WDR37: variants seen among roughly 807,000 people sequenced by gnomAD.
WDR37 encodes the protein WD repeat domain 37.
In WDR37, 19 loss-of-function variants were observed where a neutral mutation model predicts 62.9. The observed-to-expected ratio is 0.30, with a 90% CI of 0.21 to 0.44. The LOEUF is 0.44. Among genes scored for constraint, WDR37 ranks in the 20% least tolerant of loss-of-function variants. The pLI is 1.00. For missense variants in WDR37, 474 were observed against 657.6 expected, an observed-to-expected ratio of 0.72 and a Z score of 3.05; for synonymous variants, 250 against 260.9, an observed-to-expected ratio of 0.96 and a Z score of 0.40.
chr10:1,125,326 C>A (rs11250272), intron 13 of WDR37, among the ~76,000 whole-genome samples: 1 of 151,822 alleles, frequency 6.6e-6, no homozygotes, highest in Non-Finnish European at 1.5e-5. Context: ...ATTCTTCTGC[C>A]TCAGCCTCAG....
chr10:1,129,549 A>G lies in WDR37; in HGVS notation c.*205A>G, dbSNP rs557320081. ...TTTTTTACTTTTGTCTTGTATATGT[A>G]TGTATATTGGGTCCTCTGGGCAGTA... On this transcript the variant is annotated 3_prime_UTR_variant, in exon 14 of 14. Transcript: ENST00000263150. The G allele has an allele frequency of 1.4e-6, 1 of 704,054 alleles. No homozygotes were observed. Among genetic ancestry groups the G allele is most frequent in the South Asian group, 2.1e-5 (1 of 47,708 alleles). The allele number at this position is 704,054 out of a possible 1,614,324, so 43.6% of individuals were successfully genotyped here.
In WDR37 at chr10:1,088,786, G is replaced by A. The variant is rs74117814; in HGVS notation, c.604+2429G>A. ...GTGAACACATGCTGTTGGGAAAATC[G>A]TGGCAATTAGGTGTTCAACGCAGGG... On this transcript the variant is annotated intron_variant, in intron 7 of 13. Transcript: ENST00000263150. Among the ~76,000 whole-genome samples, 1,328 of 151,990 alleles carry A rather than the reference G, an allele frequency of 8.7e-3. 23 individuals carry two copies. Among genetic ancestry groups the A allele is most frequent in the African/African-American group, 0.03 (1,246 of 41,426 alleles).
chr10:1,105,582 C>T lies in WDR37; in HGVS notation c.1103+315C>T, dbSNP rs535646313. Among the ~76,000 whole-genome samples, 3 of 152,094 alleles carry T rather than the reference C, an allele frequency of 2.0e-5. No individual in the cohort carries two copies. The highest frequency in any genetic ancestry group is 4.1e-4 in the South Asian group (2 of 4,830). On this transcript the variant is annotated intron_variant, in intron 11 of 13. Coordinates refer to ENST00000263150, the MANE Select transcript of WDR37 (RefSeq NM_014023.4). This position sits in a 1 kb window ranked among gnomAD's most constrained non-coding sequence, Gnocchi z 5.3. ...AGAGCCTGTAGCTGAGCACAGGGGC[C>T]GGCCACGCCACCATAGGAGCCGCGG...
rs369428312 is a variant in WDR37 at position 1,056,629 on chromosome 10, A to G, written c.-380A>G. On this transcript the variant is annotated 5_prime_UTR_variant, in exon 1 of 14. Coordinates refer to ENST00000263150, the MANE Select transcript of WDR37 (RefSeq NM_014023.4). ...GCTCGGCGGCAGGAGTACGTGACCA[A>G]GGGTGGGGGCGTTGGCCCAGCAGCC... The G allele has an allele frequency of 6.6e-6, 1 of 152,188 alleles. No individual in the cohort carries two copies. The highest frequency in any genetic ancestry group is 2.4e-5 in the African/African-American group (1 of 41,432). The allele number at this position is 152,188 out of a possible 1,614,324, so 9.4% of individuals were successfully genotyped here.
At chr10:1,128,166 G>A (rs1835858989) in intron 13 of WDR37, among the ~76,000 whole-genome samples, 1 of 152,170 alleles carries the variant, frequency 6.6e-6, no homozygotes, top group African/African-American at 2.4e-5. Flanking sequence ...TGTATAAATA[G>A]CATATTTATG....
intron 9 of WDR37, among the ~76,000 whole-genome samples, chr10:1,097,667 C>T (rs932908980): frequency 3.9e-4 from 59 of 152,218 alleles, no homozygotes; most frequent in African/African-American, 1.4e-3. Flanking sequence ...GGTGACACCT[C>T]TGCCCCAGCA....
chr10:1,103,982 CT>C lies in WDR37; in HGVS notation c.961+147del, dbSNP rs1341851177. The C allele has an allele frequency of 2.6e-6, 2 of 780,004 alleles. No individual in the cohort carries two copies. Among genetic ancestry groups the C allele is most frequent in the East Asian group, 5.4e-5 (2 of 37,170 alleles). The allele number at this position is 780,004 out of a possible 1,614,324, so 48.3% of individuals were successfully genotyped here. ...CTGTGGTAATTTTTGGAGATTCTTT[CT>C]ATTAATAATAGAACTATTGGTAGCT... On this transcript the variant is annotated intron_variant, in intron 10 of 13. Transcript: ENST00000263150. This position sits in a 1 kb window ranked among gnomAD's most constrained non-coding sequence, Gnocchi z 6.3.
chr10:1,125,747 C>G (rs1267067065), intron 13 of WDR37, among the ~76,000 whole-genome samples: 3 of 152,190 alleles, frequency 2.0e-5, no homozygotes, highest in African/African-American at 7.2e-5. Flanking sequence ...AAGGTGGGAC[C>G]TCTTCCACCT....
chr10:1,064,307 G>T (rs1833468801), intron 1 of WDR37, among the ~76,000 whole-genome samples: 1 of 152,122 alleles, frequency 6.6e-6, no homozygotes, highest in African/African-American at 2.4e-5. Context: ...AGGGGCCCGT[G>T]GGACTTTAAC....
At chr10:1,119,935 G>C (rs1835524612) in intron 11 of WDR37, among the ~76,000 whole-genome samples, 1 of 152,210 alleles carries the variant, frequency 6.6e-6, no homozygotes, top group African/African-American at 2.4e-5. Context: ...TATGCATTAG[G>C]AGAACTGACT....
chr10:1,059,357 A>T (rs1177460812), intron 1 of WDR37, among the ~76,000 whole-genome samples: 2 of 152,074 alleles, frequency 1.3e-5, no homozygotes, highest in Non-Finnish European at 2.9e-5. Flanking sequence ...GCCTGGGGAG[A>T]CAGAGCGAGA....
chr10:1,105,069 GTC>G lies in WDR37; in HGVS notation c.962-50_962-49del, dbSNP rs925313205. On this transcript the variant is annotated intron_variant, in intron 10 of 13. Transcript: ENST00000263150. This position sits in a 1 kb window ranked among gnomAD's most constrained non-coding sequence, Gnocchi z 5.3. Reference sequence around the variant, plus strand: ...TTGGGTTCTTGTGCTGTTGAAAAGCGTCTCTCTCAGCGTGCTCCTCAGGTGAT... The same window carrying G: ...TTGGGTTCTTGTGCTGTTGAAAAGCGTCTCTCAGCGTGCTCCTCAGGTGAT... 7 of 1,592,592 alleles carry G rather than the reference GTC, an allele frequency of 4.4e-6. No individual in the cohort carries two copies. The highest frequency in any genetic ancestry group is 3.3e-5 in the South Asian group (3 of 89,736).
chr10:1,098,326 GTTT>G (rs34462108), intron 9 of WDR37, among the ~76,000 whole-genome samples: 2 of 120,296 alleles, frequency 1.7e-5, no homozygotes, highest in Admixed American at 9.3e-5. Context: ...CCATCTGTCC[GTTT>G]TTTTTTTTTT....
intron 13 of WDR37, among the ~76,000 whole-genome samples, chr10:1,125,952 C>G (rs1040881279): frequency 2.6e-5 from 4 of 152,222 alleles, no homozygotes; most frequent in African/African-American, 9.6e-5. Context: ...CTCCATGGCA[C>G]CCGCACAGAT....
At position 1,129,514 on chromosome 10, in the gene WDR37, TG is replaced by T; in HGVS notation, c.*171del. On this transcript the variant is annotated 3_prime_UTR_variant, in exon 14 of 14. Coordinates refer to ENST00000263150, the MANE Select transcript of WDR37 (RefSeq NM_014023.4). ...CTTGCATGAAATGTACAGAGAAATG[TG>T]TGGTCGTATTTTTTACTTTTGTCTT... The T allele has an allele frequency of 9.3e-7, 1 of 1,070,864 alleles. No individual in the cohort carries two copies. Among genetic ancestry groups the T allele is most frequent in the Non-Finnish European group, 1.3e-6 (1 of 771,692 alleles). The allele number at this position is 1,070,864 out of a possible 1,614,324, so 66.3% of individuals were successfully genotyped here.
intron 11 of WDR37, among the ~76,000 whole-genome samples, chr10:1,118,752 G>T (rs974559240): frequency 2.0e-5 from 3 of 152,224 alleles, no homozygotes; most frequent in African/African-American, 7.2e-5. Flanking sequence ...TCGTGTGTGT[G>T]TGTAAGAGAG....
chr10:1,126,945 A>G (rs777717561), intron 13 of WDR37, among the ~76,000 whole-genome samples: 1 of 152,200 alleles, frequency 6.6e-6, no homozygotes, highest in South Asian at 2.1e-4. Context: ...TGACTAAAAT[A>G]TGCTTCACAA....
At chr10:1,072,648 G>A (rs190433153) in intron 2 of WDR37, among the ~76,000 whole-genome samples, 12 of 152,006 alleles carry the variant, frequency 7.9e-5, no homozygotes, top group African/African-American at 2.7e-4. Context: ...GATTGTGTCT[G>A]TGACGTTATA....
chr10:1,110,316 G>A (rs1218424147), intron 11 of WDR37, among the ~76,000 whole-genome samples: 1 of 152,216 alleles, frequency 6.6e-6, no homozygotes, highest in African/African-American at 2.4e-5. Context: ...CCTGACATCA[G>A]ATCAGCTGTA....
Sources: allele counts gnomAD v4.1 joint callset (sites outside exome capture counted in the v4.1 genomes callset), GRCh38; gene constraint gnomAD v4.1.1; non-coding constraint Gnocchi (gnomAD v3.1); transcripts MANE v1.5; gene names NCBI Gene and HGNC (gene_info 2026-07-23, HGNC 2026-07-21).